PHF21A: variants seen among roughly 807,000 people sequenced by gnomAD.
PHF21A encodes the protein PHD finger protein 21A, also known as BHC80a.
PHF21A carries 11 observed loss-of-function variants against 82.5 expected under a neutral mutation model. The observed-to-expected ratio is 0.13, with a 90% CI of 0.08 to 0.22. The LOEUF (loss-of-function observed/expected upper bound fraction) is 0.22. Ranked by LOEUF, PHF21A falls within the 10% of genes least tolerant of loss-of-function variation. PHF21A has a pLI of 1.00. For synonymous variants in PHF21A, 297 were observed against 302.8 expected (o/e 0.98, Z 0.20); for missense variants, 579 against 837.8 (o/e 0.69, Z 3.81).
chr11:45,996,936 T>C (rs1005525701), intron 6 of PHF21A, among the ~76,000 whole-genome samples: 5 of 152,224 alleles, frequency 3.3e-5, no homozygotes, highest in Non-Finnish European at 5.9e-5. Context: ...CCATTGTAAA[T>C]GTTAGTCTAT....
intron 1 of PHF21A, chr11:46,118,198 GCC>G (rs1851918372): frequency 6.6e-6 from 1 of 152,092 alleles, no homozygotes; most frequent in Non-Finnish European, 1.5e-5. Flanking sequence ...ATACAATTTA[GCC>G]CAGGTAGGTG....
intron 3 of PHF21A, among the ~76,000 whole-genome samples, chr11:46,089,816 C>A (rs544669205): frequency 9.4e-6 from 1 of 106,790 alleles, no homozygotes; most frequent in Non-Finnish European, 1.8e-5. Context: ...GGGTGGGGGG[C>A]GGGTCCTCAT....
chr11:46,063,638 T>C (rs989122143), intron 6 of PHF21A, among the ~76,000 whole-genome samples: 1 of 152,182 alleles, frequency 6.6e-6, no homozygotes, highest in Non-Finnish European at 1.5e-5. Context: ...TTCAGAAGGA[T>C]ACCCTGAAGT....
At chr11:45,966,605 G>T (rs552286874) in intron 9 of PHF21A, among the ~76,000 whole-genome samples, 1 of 152,184 alleles carries the variant, frequency 6.6e-6, no homozygotes, top group African/African-American at 2.4e-5. Context: ...GCCAGTTTTT[G>T]TTTTTTTGTT....
intron 14 of PHF21A, among the ~76,000 whole-genome samples, chr11:45,946,491 C>G (rs192539534): frequency 2.6e-5 from 4 of 152,296 alleles, no homozygotes; most frequent in Admixed American, 2.6e-4. Context: ...TCAAGCCATT[C>G]TCCTGCCTCA....
chr11:46,075,491 T>TTTTTAGAGACTGAATCA (rs1413917806), intron 6 of PHF21A, among the ~76,000 whole-genome samples: 1 of 152,214 alleles, frequency 6.6e-6, no homozygotes, highest in African/African-American at 2.4e-5. Context: ...ACACATCATG[T>TTTTTAGAGACTGAATCA]TGACTTTAGA....
intron 6 of PHF21A, among the ~76,000 whole-genome samples, chr11:46,008,833 C>T (rs1417166255): frequency 1.3e-5 from 2 of 152,104 alleles, no homozygotes; most frequent in African/African-American, 4.8e-5. Context: ...AATGCAACTA[C>T]AAAATAATCT....
intron 1 of PHF21A, among the ~76,000 whole-genome samples, chr11:46,106,934 G>A (rs1426390358): frequency 6.6e-6 from 1 of 152,186 alleles, no homozygotes; most frequent in Non-Finnish European, 1.5e-5. Flanking sequence ...AAGAAAGGCT[G>A]TTTCTTTAAA....
rs547843629 is a variant in PHF21A, at chr11:45,983,556, A to G, written c.154-3590T>C. 3.9e-5 allele frequency among the ~76,000 whole-genome samples: 6 copies of G among 152,312 alleles called. No individual in the cohort carries two copies. In the South Asian group the frequency reaches 1.2e-3, roughly 32 times the overall value. ...CACTGATGCCCTCTGTCACTTAAATATAGATGACTGCACTTAGAAACCAGT... is the reference window on the plus strand; with the variant it reads ...CACTGATGCCCTCTGTCACTTAAATGTAGATGACTGCACTTAGAAACCAGT... On this transcript the variant is annotated intron_variant, in intron 6 of 18. Coordinates refer to ENST00000676320, the MANE Select transcript of PHF21A (RefSeq NM_001352027.3).
chr11:46,025,448 C>T (rs1456787639), intron 6 of PHF21A, among the ~76,000 whole-genome samples: 3 of 152,156 alleles, frequency 2.0e-5, no homozygotes, highest in Non-Finnish European at 2.9e-5. Context: ...CCATGATAAT[C>T]GATTAGGTTA....
At chr11:45,968,511 C>T (rs2093579829) in intron 9 of PHF21A, among the ~76,000 whole-genome samples, 1 of 152,244 alleles carries the variant, frequency 6.6e-6, no homozygotes, top group African/African-American at 2.4e-5. Flanking sequence ...GTTCTGTCCT[C>T]TGCCTGGGAC....
chr11:45,981,940 C>CTTTTTTTTTTTTTTGTTTTTT (rs2094308043), intron 6 of PHF21A, among the ~76,000 whole-genome samples: 1 of 78,268 alleles, frequency 1.3e-5, no homozygotes, highest in Non-Finnish European at 2.3e-5. Flanking sequence ...TTTTGTTTTT[C>CTTTTTTTTTTTTTTGTTTTTT]TTTTTTTTTT....
intron 6 of PHF21A, among the ~76,000 whole-genome samples, chr11:46,026,378 TG>T (rs2138083419): frequency 6.6e-6 from 1 of 152,310 alleles, no homozygotes; most frequent in African/African-American, 2.4e-5. Flanking sequence ...ACATGAAAGC[TG>T]ACAATGAATA....
At chr11:46,101,426 TATAA>T (rs1196739196) in intron 1 of PHF21A, among the ~76,000 whole-genome samples, 1 of 152,216 alleles carries the variant, frequency 6.6e-6, no homozygotes, top group Non-Finnish European at 1.5e-5. Context: ...TTTTACACAC[TATAA>T]ATAAAGATTG....
At chr11:45,984,464 C>G (rs2094425545) in intron 6 of PHF21A, among the ~76,000 whole-genome samples, 1 of 152,210 alleles carries the variant, frequency 6.6e-6, no homozygotes, top group Admixed American at 6.5e-5. Flanking sequence ...GTTTCCAAGA[C>G]AGGTAGTCAC....
intron 1 of PHF21A, among the ~76,000 whole-genome samples, chr11:46,099,810 C>T (rs998201063): frequency 5.1e-4 from 78 of 152,248 alleles, no homozygotes; most frequent in African/African-American, 1.9e-3. Context: ...TTCCCTGTTT[C>T]CAGCCTGAAA....
At chr11:46,068,702 T>G (rs1443329434) in intron 6 of PHF21A, among the ~76,000 whole-genome samples, 3 of 152,074 alleles carry the variant, frequency 2.0e-5, no homozygotes, top group Non-Finnish European at 4.4e-5. Context: ...AGTCAGTAGA[T>G]TCTAGTAGCC....
At chr11:46,075,657 C>T (rs192655802) in intron 6 of PHF21A, among the ~76,000 whole-genome samples, 9 of 152,172 alleles carry the variant, frequency 5.9e-5, no homozygotes, top group African/African-American at 1.9e-4. Context: ...AAGATGGGGA[C>T]GCATAAGAAT....
chr11:46,069,136 C>A (rs879198116), intron 6 of PHF21A, among the ~76,000 whole-genome samples: 1 of 152,174 alleles, frequency 6.6e-6, no homozygotes, highest in Non-Finnish European at 1.5e-5. Flanking sequence ...TTCATACTTG[C>A]AGCCAGTTAT....
Sources: gnomAD v4.1 joint callset for allele counts (sites outside exome capture counted in the v4.1 genomes callset) on GRCh38, gnomAD v4.1.1 for gene constraint, MANE v1.5 for transcripts, NCBI Gene and HGNC (gene_info 2026-07-23, HGNC 2026-07-21) for gene names.